Variants in SYT1 observed in about 807,000 individuals in gnomAD.
SYT1 encodes the protein synaptotagmin-1.
A neutral mutation model predicts 44.8 loss-of-function variants in SYT1; 8 were observed. The observed-to-expected ratio is 0.18, with a 90% confidence interval of 0.10 to 0.32. The LOEUF is 0.32. SYT1 is among the 10% of genes least tolerant of loss of function. The probability of loss-of-function intolerance (pLI) is 1.00; values close to 1 mark genes in which losing one functional copy is unlikely to be tolerated. For missense variants in SYT1, 286 were observed against 509.3 expected, an observed-to-expected ratio of 0.56 and a Z score of 4.22; for synonymous variants, 154 against 188.8, an observed-to-expected ratio of 0.82 and a Z score of 1.51.
intron 9 of SYT1, chr12:79,392,287 A>T (rs1345173133): frequency 6.6e-6 from 1 of 152,254 alleles, no homozygotes; most frequent in Non-Finnish European, 1.5e-5. Flanking sequence ...TAGCATATCT[A>T]CAAAAATCAC....
intron 1 of SYT1, among the ~76,000 whole-genome samples, chr12:78,971,465 C>T (rs1385391927): frequency 6.6e-6 from 1 of 152,036 alleles, no homozygotes; most frequent in Non-Finnish European, 1.5e-5. Flanking sequence ...AGAGTAGATG[C>T]ATTGTTCCAT....
At chr12:79,059,631 T>A (rs1400483879) in intron 3 of SYT1, among the ~76,000 whole-genome samples, 1 of 152,082 alleles carries the variant, frequency 6.6e-6, no homozygotes. Flanking sequence ...CCATGCACAA[T>A]GATCAAACAA....
chr12:79,133,442 G>T (rs1868982777), intron 3 of SYT1, among the ~76,000 whole-genome samples: 1 of 152,034 alleles, frequency 6.6e-6, no homozygotes, highest in African/African-American at 2.4e-5. Flanking sequence ...AAATGCTTAA[G>T]GTAATGGATA....
chr12:79,272,917 T>C (rs1878506584), intron 4 of SYT1, among the ~76,000 whole-genome samples: 1 of 151,918 alleles, frequency 6.6e-6, no homozygotes, highest in South Asian at 2.1e-4. Context: ...TGTTTGGGTT[T>C]GACCAAAAAA....
intron 3 of SYT1, among the ~76,000 whole-genome samples, chr12:79,193,816 C>T (rs1297092158): frequency 6.6e-6 from 1 of 152,142 alleles, no homozygotes; most frequent in African/African-American, 2.4e-5. Context: ...TTATATATTT[C>T]TTCATCAAAT....
chr12:79,080,331 C>T (rs980205390), intron 3 of SYT1, among the ~76,000 whole-genome samples: 2 of 152,044 alleles, frequency 1.3e-5, no homozygotes, highest in Admixed American at 6.6e-5. Flanking sequence ...TTGACAACCA[C>T]GAACCTCAAT....
At chr12:79,003,096 A>C (rs1870848385) in intron 2 of SYT1, among the ~76,000 whole-genome samples, 1 of 152,086 alleles carries the variant, frequency 6.6e-6, no homozygotes, top group Non-Finnish European at 1.5e-5. Context: ...AAGAATCTAT[A>C]GGGAGAGTCA....
chr12:79,336,224 G>A (rs1882082957), intron 8 of SYT1, among the ~76,000 whole-genome samples: 1 of 152,012 alleles, frequency 6.6e-6, no homozygotes. Flanking sequence ...CTGATAATTA[G>A]GGTCCTGCCA....
At chr12:79,230,655 G>A (rs1592876290) in intron 4 of SYT1, among the ~76,000 whole-genome samples, 1 of 152,146 alleles carries the variant, frequency 6.6e-6, no homozygotes, top group East Asian at 1.9e-4. Flanking sequence ...ATTTCAGGAA[G>A]GCTGTTTATA....
At chr12:78,887,358 G>C (rs76497974) in intron 1 of SYT1, among the ~76,000 whole-genome samples, 45 of 151,990 alleles carry the variant, frequency 3.0e-4, no homozygotes, top group African/African-American at 9.9e-4. Context: ...TGGCCCAAAT[G>C]CACATGAGTG....
intron 3 of SYT1, among the ~76,000 whole-genome samples, chr12:79,174,860 C>T (rs1291219546): frequency 6.6e-6 from 1 of 152,048 alleles, no homozygotes; most frequent in Non-Finnish European, 1.5e-5. Context: ...GAGACAGATA[C>T]AAGGTCTTGC....
intron 1 of SYT1, among the ~76,000 whole-genome samples, chr12:78,875,576 C>G (rs1208839709): frequency 6.6e-6 from 1 of 151,510 alleles, no homozygotes; most frequent in Non-Finnish European, 1.5e-5. Context: ...GGTATAAAGA[C>G]ACTGGTTTTA....
chr12:78,947,102 A>C (rs1265002549), intron 1 of SYT1, among the ~76,000 whole-genome samples: 3 of 152,160 alleles, frequency 2.0e-5, no homozygotes, highest in African/African-American at 7.2e-5. Flanking sequence ...ATACAGCATC[A>C]CTTAAGGTTG....
intron 2 of SYT1, among the ~76,000 whole-genome samples, chr12:78,999,167 C>G (rs540839093): frequency 6.6e-5 from 10 of 152,218 alleles, no homozygotes; most frequent in African/African-American, 2.4e-4. Flanking sequence ...AAATTCATAT[C>G]TCGTGTTTTT....
intron 3 of SYT1, among the ~76,000 whole-genome samples, chr12:79,077,885 T>G (rs1876767891): frequency 6.6e-6 from 1 of 152,138 alleles, no homozygotes; most frequent in Non-Finnish European, 1.5e-5. Context: ...TTTTTTTTTC[T>G]GGTTTGATAA....
At chr12:79,431,380 AT>A in intron 9 of SYT1, among the ~76,000 whole-genome samples, 2 of 152,234 alleles carry the variant, frequency 1.3e-5, no homozygotes, top group South Asian at 4.1e-4. Flanking sequence ...TGAAATACGA[AT>A]GTGTGGTGAT....
chr12:79,134,937 T>C (rs1869084816), intron 3 of SYT1, among the ~76,000 whole-genome samples: 1 of 151,950 alleles, frequency 6.6e-6, no homozygotes. Flanking sequence ...AATAATATTG[T>C]ATTGTACACT....
chr12:79,196,362 T>A lies in SYT1; in HGVS notation c.-17-21141T>A, dbSNP rs139510453. On this transcript the variant is annotated intron_variant, in intron 3 of 10. Transcript: ENST00000261205. ...TTTGTGTTTTTACTAGAGATGGGGT[T>A]TCACCATGTTGGCCAGGATGGTCTC... 2.3e-3 allele frequency among the ~76,000 whole-genome samples: 351 copies of A among 152,166 alleles called. 1 individual carries two copies. The highest frequency in any genetic ancestry group is 7.9e-3 in the African/African-American group (329 of 41,498).
At chr12:79,058,475 A>G (rs1426401385) in intron 3 of SYT1, among the ~76,000 whole-genome samples, 3 of 152,010 alleles carry the variant, frequency 2.0e-5, no homozygotes, top group Non-Finnish European at 4.4e-5. Context: ...CTGTTTCCCA[A>G]CTGATATTCT....
Sources: allele counts gnomAD v4.1 joint callset (sites outside exome capture counted in the v4.1 genomes callset), GRCh38; gene constraint gnomAD v4.1.1; transcripts MANE v1.5; gene names NCBI Gene and HGNC (gene_info 2026-07-23, HGNC 2026-07-21).